The following GRIA4 variants were observed in gnomAD, a reference collection of about 807,000 sequenced individuals.
GRIA4 encodes the protein glutamate ionotropic receptor AMPA type subunit 4, also known as glutamate receptor 4.
In GRIA4, 34 loss-of-function variants were observed where a neutral mutation model predicts 104.0. The observed-to-expected ratio is 0.33, with a 90% CI of 0.25 to 0.44. The LOEUF is 0.44. GRIA4 is among the 20% of genes least tolerant of loss of function. The pLI, the probability that GRIA4 is intolerant of heterozygous loss-of-function variation, is 1.00. For missense variants in GRIA4, 750 were observed against 1,096.5 expected (o/e 0.68, Z 4.46); for synonymous variants, 386 against 381.9 (o/e 1.01, Z -0.13).
intron 3 of GRIA4, among the ~76,000 whole-genome samples, chr11:105,676,104 A>T (rs572552758): frequency 1.3e-5 from 2 of 151,938 alleles, no homozygotes; most frequent in South Asian, 2.1e-4. Context: ...AAAATAGAGA[A>T]TGTTATTTTT....
rs1947481347 is a variant in GRIA4 at position 105,918,893 on chromosome 11, G to A, written c.1451G>A (p.Gly484Glu). Residue 484 changes from glycine (G) to glutamate (E), a missense_variant, in exon 11 of 17, where the codon GGG becomes GAG. Transcript: ENST00000282499. Reference sequence around the variant, plus strand: ...GATGCAGACACAAAAATCTGGAATGGGATGGTAGGAGAACTTGTTTATGGG... The same window carrying A: ...GATGCAGACACAAAAATCTGGAATGAGATGGTAGGAGAACTTGTTTATGGG... ...ARDADTKIWN[G>E]MVGELVYGKA... is the part of the protein sequence containing the mutation. The A allele has an allele frequency of 6.2e-7, 1 of 1,607,676 alleles. No homozygotes were observed. The highest frequency in any genetic ancestry group is 8.5e-7 in the Non-Finnish European group (1 of 1,174,534).
chr11:105,912,657 T>C (rs1307963755), intron 10 of GRIA4: 2 of 782,558 alleles, frequency 2.6e-6, no homozygotes, highest in Non-Finnish European at 1.5e-6. Flanking sequence ...TGTATGAAAA[T>C]GTAATCTTTA....
intron 5 of GRIA4, among the ~76,000 whole-genome samples, chr11:105,885,185 T>C (rs893177338): frequency 2.0e-5 from 3 of 152,182 alleles, no homozygotes; most frequent in African/African-American, 7.2e-5. Context: ...TCCTGATAAT[T>C]ACCTTTTGCA....
At chr11:105,784,349 C>T (rs932194882) in intron 4 of GRIA4, among the ~76,000 whole-genome samples, 85 of 152,258 alleles carry the variant, frequency 5.6e-4, no homozygotes, top group African/African-American at 1.8e-3. Flanking sequence ...CTGTAAATCC[C>T]TCATCATTTC....
chr11:105,894,405 GATCT>G (rs1377184601), intron 6 of GRIA4, among the ~76,000 whole-genome samples: 2 of 151,926 alleles, frequency 1.3e-5, no homozygotes, highest in African/African-American at 4.8e-5. Flanking sequence ...CCAATAATAG[GATCT>G]ATCTCATAAC....
intron 3 of GRIA4, among the ~76,000 whole-genome samples, chr11:105,644,285 T>C (rs1951458353): frequency 6.6e-6 from 1 of 152,056 alleles, no homozygotes; most frequent in Admixed American, 6.6e-5. Flanking sequence ...TCTATAATTG[T>C]TGAGTCTAAC....
At chr11:105,691,365 G>A (rs1019132181) in intron 3 of GRIA4, among the ~76,000 whole-genome samples, 1 of 151,968 alleles carries the variant, frequency 6.6e-6, no homozygotes, top group African/African-American at 2.4e-5. Flanking sequence ...AAATAACACA[G>A]AAAAAAAGTT....
At chr11:105,727,714 C>G (rs1361889074) in intron 3 of GRIA4, among the ~76,000 whole-genome samples, 1 of 152,056 alleles carries the variant, frequency 6.6e-6, no homozygotes, top group Admixed American at 6.6e-5. Flanking sequence ...AGAGTGGGGG[C>G]CAATATTCAA....
At chr11:105,681,576 A>G (rs563046927) in intron 3 of GRIA4, among the ~76,000 whole-genome samples, 1 of 152,284 alleles carries the variant, frequency 6.6e-6, no homozygotes, top group Non-Finnish European at 1.5e-5. Context: ...GCTACATGTG[A>G]TTATTGAGGA....
chr11:105,620,916 G>A (rs968659706), intron 3 of GRIA4, among the ~76,000 whole-genome samples: 1 of 151,482 alleles, frequency 6.6e-6, no homozygotes, highest in Non-Finnish European at 1.5e-5. Flanking sequence ...TTTGGGGGGG[G>A]TCATATTTTT....
At chr11:105,941,180 A>G (rs1948172598) in intron 14 of GRIA4, among the ~76,000 whole-genome samples, 1 of 152,244 alleles carries the variant, frequency 6.6e-6, no homozygotes, top group Non-Finnish European at 1.5e-5. Context: ...TTATATTAAC[A>G]GAAGTTAGAA....
intron 3 of GRIA4, among the ~76,000 whole-genome samples, chr11:105,653,907 T>C (rs1328382480): frequency 6.8e-6 from 1 of 146,846 alleles, no homozygotes; most frequent in Non-Finnish European, 1.5e-5. Context: ...AGAATACAAT[T>C]AGTTTGTGGG....
chr11:105,897,668 G>A (rs974660343), intron 6 of GRIA4, among the ~76,000 whole-genome samples: 17 of 152,100 alleles, frequency 1.1e-4, no homozygotes, highest in African/African-American at 2.9e-4. Context: ...TGGGAGGATC[G>A]TAAGGTTTTT....
At chr11:105,959,866 C>A (rs1948690288) in intron 14 of GRIA4, among the ~76,000 whole-genome samples, 1 of 152,186 alleles carries the variant, frequency 6.6e-6, no homozygotes, top group Admixed American at 6.5e-5. Flanking sequence ...AATCAGGGCC[C>A]TCTTCTGTAG....
At chr11:105,811,332 C>T (rs960446586) in intron 4 of GRIA4, among the ~76,000 whole-genome samples, 2 of 152,164 alleles carry the variant, frequency 1.3e-5, no homozygotes, top group African/African-American at 4.8e-5. Flanking sequence ...ATCTGGAAGG[C>T]AGAGGCAGAC....
At chr11:105,672,415 A>C (rs1181233820) in intron 3 of GRIA4, among the ~76,000 whole-genome samples, 1 of 152,150 alleles carries the variant, frequency 6.6e-6, no homozygotes, top group Non-Finnish European at 1.5e-5. Flanking sequence ...TGTTAATGAG[A>C]AAATGAAGTT....
chr11:105,971,245 T>C (rs1470140677), intron 14 of GRIA4, among the ~76,000 whole-genome samples: 1 of 152,200 alleles, frequency 6.6e-6, no homozygotes, highest in African/African-American at 2.4e-5. Flanking sequence ...TTGCTTCTGG[T>C]GATATTATTT....
rs557066348 is a variant in GRIA4 at position 105,963,787 on chromosome 11, C to G, written c.2295-8127C>G. Among the ~76,000 whole-genome samples the G allele has an allele frequency of 1.8e-4, 27 of 152,120 alleles. 2 individuals carry two copies. In the South Asian group the frequency reaches 5.2e-3, roughly 29 times the overall value. On this transcript the variant is annotated intron_variant, in intron 14 of 16. Coordinates refer to ENST00000282499, the MANE Select transcript of GRIA4 (RefSeq NM_000829.4). ...TAAAGCTTTTTTTCCTTATCCATTCCTTTATTTTGCTTTTTAGTTTTCTAT... is the reference window on the plus strand; with the variant it reads ...TAAAGCTTTTTTTCCTTATCCATTCGTTTATTTTGCTTTTTAGTTTTCTAT...
intron 14 of GRIA4, among the ~76,000 whole-genome samples, chr11:105,961,964 A>G (rs1948754128): frequency 6.6e-6 from 1 of 152,238 alleles, no homozygotes; most frequent in Non-Finnish European, 1.5e-5. Flanking sequence ...TCTACAAACT[A>G]CATATGTCCT....
Sources: allele counts gnomAD v4.1 joint callset (sites outside exome capture counted in the v4.1 genomes callset), GRCh38; gene constraint gnomAD v4.1.1; transcripts MANE v1.5; gene names NCBI Gene and HGNC (gene_info 2026-07-23, HGNC 2026-07-21).